Variants in NRXN3 observed in about 807,000 individuals in gnomAD.
The protein encoded by NRXN3 is neurexin III.
In NRXN3, 32 loss-of-function variants were observed where a neutral mutation model predicts 137.6. The ratio of observed to expected loss-of-function variants is 0.23; its 90% confidence interval spans 0.18 to 0.31. NRXN3 has a LOEUF of 0.31. NRXN3 is among the 10% of genes least tolerant of loss of function. The pLI is 1.00. For missense variants in NRXN3, 1,574 were observed against 2,062.5 expected (o/e 0.76, Z 4.59); for synonymous variants, 798 against 784.5 (o/e 1.02, Z -0.29).
intron 20 of NRXN3, among the ~76,000 whole-genome samples, chr14:79,835,563 T>C (rs994876962): frequency 6.6e-6 from 1 of 152,190 alleles, no homozygotes; most frequent in Non-Finnish European, 1.5e-5. Context: ...TTCTGGGATT[T>C]AGGGCTAACC....
chr14:79,838,754 G>A (rs572279140), intron 20 of NRXN3, among the ~76,000 whole-genome samples: 1 of 152,276 alleles, frequency 6.6e-6, no homozygotes, highest in South Asian at 2.1e-4. Flanking sequence ...CTCAGACATG[G>A]TGGGATTCGT....
intron 4 of NRXN3, among the ~76,000 whole-genome samples, chr14:78,317,001 G>T (rs2078784608): frequency 6.6e-6 from 1 of 152,132 alleles, no homozygotes; most frequent in Admixed American, 6.5e-5. Flanking sequence ...CATGATGATT[G>T]TTATGAGGAA....
chr14:78,341,862 T>G (rs73314405), intron 4 of NRXN3, among the ~76,000 whole-genome samples: 1,813 of 152,284 alleles, frequency 0.012, 33 homozygotes, highest in African/African-American at 0.041. Flanking sequence ...AGAGTGAATG[T>G]ATTTAGGATC....
intron 16 of NRXN3, among the ~76,000 whole-genome samples, chr14:79,660,112 A>G (rs1021336069): frequency 6.6e-6 from 1 of 152,134 alleles, no homozygotes; most frequent in Non-Finnish European, 1.5e-5. Flanking sequence ...CACCAAAGCC[A>G]ATGCTTTTGT....
At chr14:79,093,465 T>C (rs1461063747) in intron 15 of NRXN3, among the ~76,000 whole-genome samples, 2 of 152,062 alleles carry the variant, frequency 1.3e-5, no homozygotes, top group Non-Finnish European at 2.9e-5. Context: ...TGGAGAACAA[T>C]ATGGAAAAGG....
intron 5 of NRXN3, among the ~76,000 whole-genome samples, chr14:78,646,802 A>G (rs1219749286): frequency 6.6e-6 from 1 of 152,184 alleles, no homozygotes; most frequent in African/African-American, 2.4e-5. Flanking sequence ...CCTATTGCTA[A>G]TATCTTCTTT....
chr14:78,252,752 T>C (rs1489698344), intron 2 of NRXN3, among the ~76,000 whole-genome samples: 1 of 152,206 alleles, frequency 6.6e-6, no homozygotes, highest in African/African-American at 2.4e-5. Context: ...ATTGGAAATG[T>C]GTTGCCTGCA....
intron 16 of NRXN3, among the ~76,000 whole-genome samples, chr14:79,547,029 C>G (rs1386339797): frequency 6.6e-6 from 1 of 152,108 alleles, no homozygotes; most frequent in Non-Finnish European, 1.5e-5. Context: ...TACCAACTTC[C>G]CTCTTAATGA....
intron 1 of NRXN3, among the ~76,000 whole-genome samples, chr14:78,172,683 G>C (rs1311084742): frequency 6.6e-6 from 1 of 152,094 alleles, no homozygotes; most frequent in Non-Finnish European, 1.5e-5. Context: ...CTGGAAGTTC[G>C]CTATTAAAGT....
chr14:78,838,327 G>A (rs1453847731), intron 10 of NRXN3, among the ~76,000 whole-genome samples: 4 of 152,038 alleles, frequency 2.6e-5, no homozygotes, highest in Admixed American at 1.3e-4. Context: ...ATATTACCTC[G>A]TTCTTGTAAC....
At chr14:78,501,780 G>A (rs1019480277) in intron 4 of NRXN3, among the ~76,000 whole-genome samples, 3 of 152,106 alleles carry the variant, frequency 2.0e-5, no homozygotes, top group Admixed American at 6.5e-5. Flanking sequence ...TGTGGTATCA[G>A]CACAGAGATT....
intron 15 of NRXN3, among the ~76,000 whole-genome samples, chr14:79,026,773 G>T (rs2099598627): frequency 6.6e-6 from 1 of 151,828 alleles, no homozygotes; most frequent in African/African-American, 2.4e-5. Flanking sequence ...GGGCCCATCA[G>T]CTCTACAGTC....
chr14:78,221,283 G>T (rs889850828), intron 1 of NRXN3, among the ~76,000 whole-genome samples: 1 of 152,144 alleles, frequency 6.6e-6, no homozygotes, highest in Admixed American at 6.5e-5. Flanking sequence ...GTTAGGAAGA[G>T]ACAGGAGATA....
chr14:78,980,699 T>C lies in NRXN3; in HGVS notation c.3143-7323T>C, dbSNP rs2099487180. 1.3e-5 allele frequency among the ~76,000 whole-genome samples: 2 copies of C among 152,138 alleles called. 1 individual carries two copies. The highest frequency in any genetic ancestry group is 4.1e-4 in the South Asian group (2 of 4,820). On this transcript the variant is annotated intron_variant, in intron 14 of 20. Transcript: ENST00000335750. ...TTTGGCAGCCATCAGAATTATCTGA[T>C]AAATAAAATGATAAGGGAATGAGAT...
intron 6 of NRXN3, among the ~76,000 whole-genome samples, chr14:78,674,393 C>T (rs183667538): frequency 6.6e-6 from 1 of 152,310 alleles, no homozygotes; most frequent in Admixed American, 6.5e-5. Context: ...ACTCCAAGCA[C>T]ATTGAAATTT....
chr14:79,427,146 G>A (rs2095666009), intron 15 of NRXN3, among the ~76,000 whole-genome samples: 1 of 152,056 alleles, frequency 6.6e-6, no homozygotes, highest in Non-Finnish European at 1.5e-5. Flanking sequence ...TAAGAGGCGT[G>A]TTTCAACTAA....
chr14:79,036,248 A>T (rs191106449), intron 15 of NRXN3, among the ~76,000 whole-genome samples: 8 of 152,154 alleles, frequency 5.3e-5, no homozygotes, highest in African/African-American at 1.9e-4. Context: ...ATTTCAAAGC[A>T]CCAATCGTCT....
intron 4 of NRXN3, among the ~76,000 whole-genome samples, chr14:78,577,402 G>GA (rs1323929549): frequency 2.6e-5 from 4 of 152,132 alleles, no homozygotes; most frequent in African/African-American, 9.7e-5. Context: ...AATTTGCATA[G>GA]AAAAAAGGTT....
chr14:79,821,331 C>T (rs975250119), intron 20 of NRXN3, among the ~76,000 whole-genome samples: 4 of 152,056 alleles, frequency 2.6e-5, no homozygotes, highest in African/African-American at 9.7e-5. Flanking sequence ...CACTCTGTCC[C>T]CAGGGGCCAG....
Sources: gnomAD v4.1 joint callset for allele counts (sites outside exome capture counted in the v4.1 genomes callset) on GRCh38, gnomAD v4.1.1 for gene constraint, MANE v1.5 for transcripts, NCBI Gene and HGNC (gene_info 2026-07-23, HGNC 2026-07-21) for gene names.